Variants in PTPRT observed in about 807,000 individuals in gnomAD.
The protein encoded by PTPRT is receptor-type tyrosine-protein phosphatase T.
In PTPRT, 56 loss-of-function variants were observed where a neutral mutation model predicts 176.8. The ratio of observed to expected loss-of-function variants is 0.32; its 90% confidence interval spans 0.26 to 0.40. The LOEUF is 0.40. Ranked by LOEUF, PTPRT falls within the 10% of genes least tolerant of loss-of-function variation. The pLI is 1.00. For synonymous variants in PTPRT, 783 were observed against 739.0 expected (o/e 1.06, Z -0.96); for missense variants, 1,540 against 1,908.2 (o/e 0.81, Z 3.60).
intron 6 of PTPRT, among the ~76,000 whole-genome samples, chr20:42,754,836 G>A (rs1377642171): frequency 1.3e-5 from 2 of 152,198 alleles, no homozygotes; most frequent in Middle Eastern, 3.4e-3. Flanking sequence ...TTCAAGTTGA[G>A]CCTTGTGAAA....
intron 7 of PTPRT, among the ~76,000 whole-genome samples, chr20:42,596,441 A>C (rs1190377478): frequency 1.3e-5 from 2 of 152,234 alleles, no homozygotes; most frequent in African/African-American, 4.8e-5. Flanking sequence ...TTCCATACGG[A>C]ATACCACGGC....
chr20:42,951,123 G>A (rs1272368774), intron 1 of PTPRT, among the ~76,000 whole-genome samples: 1 of 152,188 alleles, frequency 6.6e-6, no homozygotes, highest in Non-Finnish European at 1.5e-5. Flanking sequence ...AGGATGGATG[G>A]AGGGATGCAT....
At chr20:42,067,247 T>C in the PTPRT span, among the ~76,000 whole-genome samples, 1 of 152,286 alleles carries the variant, frequency 6.6e-6, no homozygotes, top group South Asian at 2.1e-4. Flanking sequence ...TAGGCAGAGC[T>C]GGTACGGGGA....
At chr20:42,205,827 A>C (rs1286287828) in intron 15 of PTPRT, among the ~76,000 whole-genome samples, 1 of 152,174 alleles carries the variant, frequency 6.6e-6, no homozygotes, top group Admixed American at 6.5e-5. Context: ...TGGACCAAAA[A>C]AAAAATTCAC....
At chr20:42,211,382 T>C (rs1313490287) in intron 15 of PTPRT, among the ~76,000 whole-genome samples, 2 of 150,726 alleles carry the variant, frequency 1.3e-5, no homozygotes, top group Non-Finnish European at 3.0e-5. Flanking sequence ...GGAGAAAATT[T>C]TCGCAACCTA....
chr20:43,120,036 G>A (rs1205141180), intron 1 of PTPRT, among the ~76,000 whole-genome samples: 1 of 152,036 alleles, frequency 6.6e-6, no homozygotes, highest in Non-Finnish European at 1.5e-5. Context: ...CATACTCCTG[G>A]GCTCAAGCTT....
intron 1 of PTPRT, among the ~76,000 whole-genome samples, chr20:43,019,511 T>A (rs766731703): frequency 2.7e-5 from 4 of 149,018 alleles, no homozygotes; most frequent in African/African-American, 1.0e-4. Context: ...CCCAGCTACT[T>A]GGGAGGCTGA....
At chr20:42,222,034 G>A (rs1416673334) in intron 15 of PTPRT, among the ~76,000 whole-genome samples, 1 of 152,094 alleles carries the variant, frequency 6.6e-6, no homozygotes, top group East Asian at 1.9e-4. Context: ...TAGAGCAAAG[G>A]GTAAGGGCTA....
chr20:42,619,177 T>G (rs1472176478), intron 7 of PTPRT, among the ~76,000 whole-genome samples: 1 of 150,466 alleles, frequency 6.6e-6, no homozygotes, highest in Non-Finnish European at 1.5e-5. Flanking sequence ...CTGTAAAGTA[T>G]TTAATTTCTC....
At chr20:42,043,922 A>T in the PTPRT span, among the ~76,000 whole-genome samples, 1 of 152,202 alleles carries the variant, frequency 6.6e-6, no homozygotes, top group Non-Finnish European at 1.5e-5. Context: ...AAAGGCCCAA[A>T]CTATTCATCT....
chr20:42,427,014 T>G (rs1172425193), intron 9 of PTPRT, among the ~76,000 whole-genome samples: 1 of 152,176 alleles, frequency 6.6e-6, no homozygotes, highest in African/African-American at 2.4e-5. Context: ...GAGACTCCTC[T>G]GGGCTCCATT....
intron 20 of PTPRT, 28 bp downstream of exon 20, chr20:42,119,907 A>G: frequency 6.3e-7 from 1 of 1,597,934 alleles, no homozygotes; most frequent in South Asian, 1.1e-5. Context: ...AGCCTCTCTG[A>G]GGCACTAGGT....
intron 1 of PTPRT, among the ~76,000 whole-genome samples, chr20:42,932,254 C>G (rs1367777733): frequency 6.6e-6 from 1 of 152,212 alleles, no homozygotes; most frequent in Non-Finnish European, 1.5e-5. Flanking sequence ...TGGACCTCCC[C>G]ATGAGGATCC....
chr20:42,069,718 T>C (rs981991216), downstream of PTPRT, among the ~76,000 whole-genome samples: 1 of 152,262 alleles, frequency 6.6e-6, no homozygotes, highest in Non-Finnish European at 1.5e-5. Flanking sequence ...TTATTTTCTC[T>C]ATGCATCTGT....
chr20:43,096,166 C>T (rs934237982), intron 1 of PTPRT, among the ~76,000 whole-genome samples: 9 of 150,506 alleles, frequency 6.0e-5, no homozygotes, highest in East Asian at 2.0e-4. Flanking sequence ...TTCTTCTACT[C>T]TATCTCCCCG....
chr20:42,439,014 C>A (rs986982173), intron 9 of PTPRT, among the ~76,000 whole-genome samples: 8 of 152,196 alleles, frequency 5.3e-5, no homozygotes, highest in Non-Finnish European at 1.0e-4. Context: ...ACTCTGAGTG[C>A]CAGAAATCAT....
chr20:42,164,628 ATACTT>A (rs1277999966), intron 16 of PTPRT, among the ~76,000 whole-genome samples: 2 of 142,966 alleles, frequency 1.4e-5, no homozygotes, highest in Non-Finnish European at 3.1e-5. Flanking sequence ...CAGACGCACT[ATACTT>A]AATTTTCCAT....
In PTPRT at chr20:42,147,770, G is replaced by T. The variant is rs183992651; in HGVS notation, c.2683-5768C>A. 2.6e-3 allele frequency among the ~76,000 whole-genome samples: 393 copies of T among 152,270 alleles called. 1 individual carries two copies. The highest frequency in any genetic ancestry group is 9.3e-3 in the African/African-American group (386 of 41,570). The stretch of plus-strand genomic sequence containing the variant: ...CTGGGAGCCTCTGTCTCCCTTAGTG[G>T]GGGCTGAAGGGGACCGAGTAGGCCT... On this transcript the variant is annotated intron_variant, in intron 17 of 30. Transcript: ENST00000373187.
At chr20:42,184,535 C>CTCCTCTTCTTCTTCTTCTTCTTCT (rs1990657752) in intron 16 of PTPRT, among the ~76,000 whole-genome samples, 1 of 36,616 alleles carries the variant, frequency 2.7e-5, no homozygotes, top group Non-Finnish European at 5.0e-5. Flanking sequence ...CTTCTTCTTC[C>CTCCTCTTCTTCTTCTTCTTCTTCT]TCTTCCTCTT....
Sources: allele counts gnomAD v4.1 joint callset (sites outside exome capture counted in the v4.1 genomes callset), GRCh38; gene constraint gnomAD v4.1.1; transcripts MANE v1.5; gene names NCBI Gene and HGNC (gene_info 2026-07-23, HGNC 2026-07-21).